The following LGALS4 variants were observed in gnomAD, a reference collection of about 807,000 sequenced individuals.
LGALS4 encodes galectin-4.
In LGALS4, 37 loss-of-function variants were observed where a neutral mutation model predicts 39.6. The ratio of observed to expected loss-of-function variants is 0.93; its 90% CI spans 0.72 to 1.23. The LOEUF is 1.23. Among genes scored for constraint, LGALS4 ranks in the 50% most tolerant of loss-of-function variants. LGALS4 has a pLI of 0.00. For missense variants in LGALS4, 397 were observed against 433.2 expected (o/e 0.92, Z 0.74); for synonymous variants, 160 against 165.5 (o/e 0.97, Z 0.25).
intron 2 of LGALS4, among the ~76,000 whole-genome samples, chr19:38,810,975 C>T (rs1040881748): frequency 6.7e-6 from 1 of 149,202 alleles, no homozygotes; most frequent in Non-Finnish European, 1.5e-5. Flanking sequence ...GATCTCGGCT[C>T]ACCGAAACCT....
chr19:38,802,076 G>C lies in LGALS4; in HGVS notation c.741C>G (p.Val247=), dbSNP rs1971363383. The C allele has an allele frequency of 7.4e-6, 12 of 1,614,098 alleles. No homozygotes were observed. Among genetic ancestry groups the C allele is most frequent in the Middle Eastern group, 3.3e-4 (2 of 6,084 alleles). ...ACGAGCCATTCAGAAGGCTGTTCCG[G>C]ACCACGGTACCGTTGCCCATGCGGG... ...INPRMGNGTV[V]RNSLLNGSWG... Residue 247 remains valine, a synonymous_variant, in exon 9 of 10, where the codon GTC becomes GTG. Transcript: ENST00000307751.
rs1971368980 is a variant in LGALS4, at chr19:38,802,468, A to G, written c.571-64T>C. On this transcript the variant is annotated intron_variant, in intron 7 of 9. Transcript: ENST00000307751. ...TTAGCAGAGCCAGATGTGGGAAGAAATTTTCTTTTTCTTTTCTTTTCTTTC... is the reference window on the plus strand; with the variant it reads ...TTAGCAGAGCCAGATGTGGGAAGAAGTTTTCTTTTTCTTTTCTTTTCTTTC... The G allele has an allele frequency of 3.1e-6, 4 of 1,282,136 alleles. No individual in the cohort carries two copies. In the Admixed American group the frequency reaches 7.3e-5, roughly 23 times the overall value. The allele number at this position is 1,282,136 out of a possible 1,614,324, so 79.4% of individuals were successfully genotyped here. A position where few individuals can be genotyped will look rare whatever the true frequency, so the allele number is the denominator to read the frequency against.
At position 38,810,354 on chromosome 19, in the gene LGALS4, C is replaced by CTTT. The variant is rs761533885; in HGVS notation, c.135-1409_135-1407dup. ...ATTTTCAGCAGAGATGAGATTTCGC[C>CTTT]TTTTTTTTTTTTTTTTTTTTTTTTT... On this transcript the variant is annotated intron_variant, in intron 2 of 9. Transcript: ENST00000307751. Among the ~76,000 whole-genome samples the CTTT allele has an allele frequency of 1.9e-3, 181 of 92,886 alleles. 10 individuals carry two copies. The highest frequency in any genetic ancestry group is 5.9e-3 in the Middle Eastern group (1 of 170). The allele number at this position is 92,886 out of a possible 152,430, so 60.9% of individuals were successfully genotyped here.
chr19:38,808,239 AGG>A (rs1395279982), intron 3 of LGALS4, among the ~76,000 whole-genome samples: 2 of 151,638 alleles, frequency 1.3e-5, no homozygotes, highest in Non-Finnish European at 2.9e-5. Context: ...GAAGGAGGGA[AGG>A]AGAGAGAAGG....
chr19:38,805,333 A>T (rs1971410397), intron 4 of LGALS4, among the ~76,000 whole-genome samples: 1 of 151,760 alleles, frequency 6.6e-6, no homozygotes, highest in Non-Finnish European at 1.5e-5. Context: ...GACTCACCTT[A>T]CACACTTCCT....
intron 4 of LGALS4, among the ~76,000 whole-genome samples, chr19:38,805,696 G>T (rs1318148331): frequency 2.6e-5 from 4 of 152,108 alleles, no homozygotes; most frequent in Non-Finnish European, 4.4e-5. Context: ...TGCAGTGATG[G>T]GTCTGTCTTC....
chr19:38,812,904 G>A lies in LGALS4; in HGVS notation c.-18C>T, dbSNP rs1226027095. 6.2e-7 allele frequency: 1 copy of A among 1,609,654 alleles called. No homozygotes were observed. Among genetic ancestry groups the A allele is most frequent in the Admixed American group, 1.7e-5 (1 of 60,002 alleles). On this transcript the variant is annotated 5_prime_UTR_variant, in exon 1 of 10. Coordinates refer to ENST00000307751, the MANE Select transcript of LGALS4 (RefSeq NM_006149.4). ...TAGGCCATCGCTCGAGGCTGCGCTA[G>A]TGGCTGGTCCTGTGAGAAGAGCTGC...
At chr19:38,804,662 T>C (rs1256913325) in intron 4 of LGALS4, among the ~76,000 whole-genome samples, 1 of 152,036 alleles carries the variant, frequency 6.6e-6, no homozygotes, top group East Asian at 1.9e-4. Context: ...GAAGGCCTTT[T>C]AAAAGTAGCT....
chr19:38,810,250 G>T (rs1971476547), intron 2 of LGALS4, among the ~76,000 whole-genome samples: 1 of 151,890 alleles, frequency 6.6e-6, no homozygotes, highest in African/African-American at 2.4e-5. Flanking sequence ...CTGCCTTCAG[G>T]ATTCAAGTGA....
intron 4 of LGALS4, among the ~76,000 whole-genome samples, chr19:38,805,788 T>C (rs574544379): frequency 6.6e-6 from 1 of 152,270 alleles, no homozygotes; most frequent in South Asian, 2.1e-4. Flanking sequence ...GAATGTGGAA[T>C]GCGCTGGGCA....
chr19:38,805,056 C>T (rs1174840552), intron 4 of LGALS4, among the ~76,000 whole-genome samples: 1 of 151,104 alleles, frequency 6.6e-6, no homozygotes, highest in East Asian at 1.9e-4. Context: ...CCCAGCTACT[C>T]AGGAGACTGA....
chr19:38,802,077 A>G lies in LGALS4; in HGVS notation c.740T>C (p.Val247Ala). 6.2e-7 allele frequency: 1 copy of G among 1,614,130 alleles called. No individual in the cohort carries two copies. The highest frequency in any genetic ancestry group is 1.1e-5 in the South Asian group (1 of 91,074). ...CGAGCCATTCAGAAGGCTGTTCCGGACCACGGTACCGTTGCCCATGCGGGG... is the reference window on the plus strand; with the variant it reads ...CGAGCCATTCAGAAGGCTGTTCCGGGCCACGGTACCGTTGCCCATGCGGGG... ...INPRMGNGTV[V>A]RNSLLNGSWG... is the part of the protein sequence containing the mutation. The change falls in exon 9 of 10, where the codon GTC becomes GCC. Residue 247 changes from valine (V) to alanine (A), a missense_variant. Val to Ala is a moderately conservative substitution (Grantham distance 64, BLOSUM62 0). Transcript: ENST00000307751.
chr19:38,806,987 G>C (rs1971429900), intron 3 of LGALS4, among the ~76,000 whole-genome samples: 1 of 151,636 alleles, frequency 6.6e-6, no homozygotes, highest in Non-Finnish European at 1.5e-5. Context: ...TTTTTCATTG[G>C]GAGTCGATAG....
At position 38,808,883 on chromosome 19, in the gene LGALS4, C is replaced by T. The variant is rs772845641; in HGVS notation, c.200G>A (p.Arg67Gln). The T allele has an allele frequency of 3.8e-5, 62 of 1,614,106 alleles. No individual in the cohort carries two copies. Among genetic ancestry groups the T allele is most frequent in the South Asian group, 4.4e-5 (4 of 91,086 alleles). Reference protein sequence around the residue: ...GSDVAFHFNPRFDGWDKVVFN... With the variant: ...GSDVAFHFNPQFDGWDKVVFN... ...GACCACCTTGTCCCAGCCGTCAAAC[C>T]GCGGATTGAAGTGGAAGGCGACGTC... The change falls in exon 3 of 10, where the codon CGG (arginine) becomes CAG (glutamine). Residue 67 changes from arginine (R) to glutamine (Q), a missense_variant. Physicochemically the swap from Arg to Gln is conservative, Grantham distance 43 (BLOSUM62 1). Coordinates refer to ENST00000307751, the MANE Select transcript of LGALS4 (RefSeq NM_006149.4).
Position 38,812,455 on chromosome 19 carries a change from C to G in LGALS4, c.110G>C (p.Gly37Ala). 6.2e-7 allele frequency: 1 copy of G among 1,614,152 alleles called. No homozygotes were observed. ...LNVGMSVYIQ[G>A]VASEHMKRFF... is the part of the protein sequence containing the mutation. ...CCGCTTCATGTGCTCGCTGGCCACT[C>G]CTTGGATGTAAACAGACATTCCCAC... Residue 37 changes from glycine to alanine, a missense_variant, in exon 2 of 10, where the codon GGA becomes GCA. Physicochemically the swap from Gly to Ala is moderately conservative, Grantham distance 60 (BLOSUM62 0). Coordinates refer to ENST00000307751, the MANE Select transcript of LGALS4 (RefSeq NM_006149.4).
At chr19:38,804,832 CA>C (rs1471070203) in intron 4 of LGALS4, among the ~76,000 whole-genome samples, 1 of 150,942 alleles carries the variant, frequency 6.6e-6, no homozygotes, top group African/African-American at 2.4e-5. Flanking sequence ...AAAAAAAAAA[CA>C]AAAAACAAAA....
At position 38,801,988 on chromosome 19, in the gene LGALS4, T is replaced by C. The variant is rs774441106; in HGVS notation, c.825+4A>G. The C allele has an allele frequency of 1.2e-6, 2 of 1,614,140 alleles. No homozygotes were observed. The highest frequency in any genetic ancestry group is 1.7e-6 in the Non-Finnish European group (2 of 1,179,994). ...GGAAGTGGGAAAAGAGAGCTCAGAC[T>C]CACATCAAAGAACTGTCCGGGACCA... On this transcript the variant is annotated splice_donor_region_variant and intron_variant, in intron 9 of 9. Transcript: ENST00000307751.
intron 4 of LGALS4, 74 bp from the exon 5 acceptor site, chr19:38,803,969 G>GC: frequency 6.7e-7 from 1 of 1,496,030 alleles, no homozygotes; most frequent in Non-Finnish European, 9.1e-7. Context: ...GAGAGTGCCT[G>GC]CCCTGGGGTG....
At chr19:38,803,920 G>T (rs1971392488) in intron 4 of LGALS4, 25 bp from the exon 5 acceptor site, 1 of 1,597,200 alleles carries the variant, frequency 6.3e-7, no homozygotes. Context: ...AGAGAAAGCG[G>T]TTATGAGAGG....
Sources: gnomAD v4.1 joint callset for allele counts (sites outside exome capture counted in the v4.1 genomes callset) on GRCh38, gnomAD v4.1.1 for gene constraint, MANE v1.5 for transcripts, NCBI Gene and HGNC (gene_info 2026-07-23, HGNC 2026-07-21) for gene names.